SHF: variants seen among roughly 807,000 people sequenced by gnomAD.
The protein encoded by SHF is SH2 domain-containing adapter protein F.
SHF carries 30 observed loss-of-function variants against 42.4 expected under a neutral mutation model. The ratio of observed to expected loss-of-function variants is 0.71; its 90% CI spans 0.53 to 0.96. The LOEUF is 0.96. Ranked by LOEUF, SHF falls within the 40% of genes least tolerant of loss-of-function variation. The pLI, the probability that SHF is intolerant of heterozygous loss-of-function variation, is 0.00. For synonymous variants in SHF, 264 were observed against 269.9 expected, an observed-to-expected ratio of 0.98 and a Z score of 0.21; for missense variants, 598 against 634.0, an observed-to-expected ratio of 0.94 and a Z score of 0.61.
intron 2 of SHF, among the ~76,000 whole-genome samples, chr15:45,195,362 A>G (rs1323811113): frequency 6.6e-6 from 1 of 152,198 alleles, no homozygotes; most frequent in Admixed American, 6.5e-5. Context: ...CACACTGCCC[A>G]GTTGCTCTCA....
intron 2 of SHF, 127 bp downstream of exon 2, chr15:45,178,038 G>C (rs1231995172): frequency 7.7e-7 from 1 of 1,303,338 alleles, no homozygotes; most frequent in Non-Finnish European, 1.0e-6. Flanking sequence ...TCCTCCCTAA[G>C]GACCTGGAAA....
At chr15:45,186,837 C>G (rs1225634306) in intron 1 of SHF, among the ~76,000 whole-genome samples, 1 of 152,262 alleles carries the variant, frequency 6.6e-6, no homozygotes, top group Non-Finnish European at 1.5e-5. Context: ...GAGCTGTAAG[C>G]TGCCTGTCTT....
Position 45,170,684 on chromosome 15 carries a change from G to C in SHF, c.1280+1199C>G, listed in dbSNP as rs936047385. 62 of 278,832 alleles carry C rather than the reference G, an allele frequency of 2.2e-4. 1 individual carries two copies. Among genetic ancestry groups the C allele is most frequent in the African/African-American group, 1.5e-3 (52 of 35,090 alleles). 17.3% of individuals were successfully genotyped at this position (278,832 alleles called of 1,614,324 possible). On this transcript the variant is annotated intron_variant, in intron 6 of 6. Coordinates refer to ENST00000690270, the MANE Select transcript of SHF (RefSeq NM_001394037.1). ...TTTTTTTCTGAGACAGAGTCTTGCT[G>C]TTGTTGGCCTGGGCTGGAGTGCAAT...
At chr15:45,176,803 G>A (rs1220437985) in intron 2 of SHF, among the ~76,000 whole-genome samples, 2 of 152,134 alleles carry the variant, frequency 1.3e-5, no homozygotes, top group African/African-American at 4.8e-5. Flanking sequence ...TATAATTTCA[G>A]GGCATTCATG....
chr15:45,189,452 G>A (rs187190440), upstream of SHF, among the ~76,000 whole-genome samples: 11 of 131,728 alleles, frequency 8.4e-5, no homozygotes, highest in East Asian at 2.0e-3. Context: ...ACAGTGGCAC[G>A]ATTTCAGCTT....
intron 2 of SHF, among the ~76,000 whole-genome samples, chr15:45,198,077 G>A (rs970839304): frequency 2.0e-5 from 3 of 151,784 alleles, no homozygotes; most frequent in Non-Finnish European, 2.9e-5. Flanking sequence ...CAGAGCCTCC[G>A]TCTCAAAAAC....
At chr15:45,195,263 A>G (rs553464725) in intron 2 of SHF, among the ~76,000 whole-genome samples, 1 of 152,284 alleles carries the variant, frequency 6.6e-6, no homozygotes, top group South Asian at 2.1e-4. Context: ...TATGGAGATA[A>G]TTTTTCCTAG....
chr15:45,187,753 TGCCCCCTCCGCCGCC>T lies in SHF; in HGVS notation c.184_198del (p.Gly62_Gly66del). 1.0e-6 allele frequency: 1 copy of T among 956,050 alleles called. No individual in the cohort carries two copies. Among genetic ancestry groups the T allele is most frequent in the Non-Finnish European group, 1.3e-6 (1 of 744,028 alleles). 59.2% of individuals were successfully genotyped at this position (956,050 alleles called of 1,614,324 possible). On this transcript the variant is annotated inframe_deletion, in exon 1 of 7. Transcript: ENST00000690270. Reference sequence around the variant, plus strand: ...TCGGGCTCGGGGGGCGCCGGCTTGCTGCCCCCTCCGCCGCCGCCCCCCCCGCGGAAGCCCAGGTGC... The same window carrying T: ...TCGGGCTCGGGGGGCGCCGGCTTGCTGCCCCCCCCGCGGAAGCCCAGGTGC...
chr15:45,199,449 G>C (rs1441202705), intron 1 of SHF, among the ~76,000 whole-genome samples: 1 of 152,216 alleles, frequency 6.6e-6, no homozygotes, highest in Non-Finnish European at 1.5e-5. Context: ...GAGAACACCT[G>C]TCTCTCCAAT....
intron 1 of SHF, among the ~76,000 whole-genome samples, chr15:45,182,977 G>A (rs1898205688): frequency 6.6e-6 from 1 of 152,204 alleles, no homozygotes. Flanking sequence ...GTAGATCCTA[G>A]CAACCCTCAT....
intron 2 of SHF, among the ~76,000 whole-genome samples, chr15:45,195,664 A>T (rs1250446189): frequency 6.6e-6 from 1 of 152,206 alleles, no homozygotes; most frequent in Admixed American, 6.5e-5. Context: ...CTCAGGCCAC[A>T]TTCTTGTTTC....
At chr15:45,197,249 TAAAAA>T (rs144408027) in intron 2 of SHF, among the ~76,000 whole-genome samples, 12,170 of 122,630 alleles carry the variant, frequency 0.099, 575 homozygotes, top group Middle Eastern at 0.24. Flanking sequence ...ACCTTGTCTC[TAAAAA>T]AAAAAAAAAA....
At chr15:45,191,505 A>ATGTT (rs1258387059), upstream of SHF, among the ~76,000 whole-genome samples, 1 of 152,182 alleles carries the variant, frequency 6.6e-6, no homozygotes, top group Non-Finnish European at 1.5e-5. Flanking sequence ...AAATTCTTGC[A>ATGTT]TGTTAAGCAG....
In SHF at chr15:45,173,644, G is replaced by A. The variant is rs753154572; in HGVS notation, c.920C>T (p.Pro307Leu). The stretch of plus-strand genomic sequence containing the variant: ...ACCGGAGATGTCCCTGTCCCCATCA[G>A]GCAGGGAGGGGCTGCTGTCCAGCTG... Reference protein sequence around the residue: ...VGQLDSSPSLPDGDRDISGPA... With the variant: ...VGQLDSSPSLLDGDRDISGPA... The change falls in exon 4 of 7, where the codon CCT becomes CTT. Residue 307 changes from proline to leucine, a missense_variant. Physicochemically the swap from Pro to Leu is moderately conservative, Grantham distance 98. Coordinates refer to ENST00000690270, the MANE Select transcript of SHF (RefSeq NM_001394037.1). 1 of 1,551,516 alleles carries A rather than the reference G, an allele frequency of 6.4e-7. No individual in the cohort carries two copies. The highest frequency in any genetic ancestry group is 1.2e-5 in the South Asian group (1 of 84,048).
chr15:45,198,910 G>C, exon 2 of SHF: 1 of 1,613,778 alleles, frequency 6.2e-7, no homozygotes, highest in African/African-American at 1.3e-5. Flanking sequence ...GAGCGCAGTG[G>C]GAGTTTAGGG....
intron 2 of SHF, among the ~76,000 whole-genome samples, chr15:45,193,473 G>C (rs1170512868): frequency 1.3e-5 from 2 of 152,184 alleles, no homozygotes; most frequent in African/African-American, 4.8e-5. Flanking sequence ...CATGTGAGAG[G>C]AGAGGAGAGG....
At chr15:45,174,782 A>G (rs1422994796) in intron 3 of SHF, among the ~76,000 whole-genome samples, 1 of 152,184 alleles carries the variant, frequency 6.6e-6, no homozygotes, top group East Asian at 1.9e-4. Context: ...CTGGTCCGCC[A>G]GGGCCTACCA....
intron 3 of SHF, 95 bp downstream of exon 3, chr15:45,175,124 C>A: frequency 1.5e-6 from 2 of 1,350,392 alleles, no homozygotes; most frequent in Non-Finnish European, 2.0e-6. Flanking sequence ...GATCCTGGGC[C>A]TCTCTGGGTT....
At chr15:45,200,905 GC>G (rs1171751512) in exon 1 of SHF, 1 of 454,430 alleles carries the variant, frequency 2.2e-6, no homozygotes, top group East Asian at 7.0e-5. Context: ...ATCATTGCAG[GC>G]CCGGCCTCAT....
Sources: gnomAD v4.1 joint callset for allele counts (sites outside exome capture counted in the v4.1 genomes callset) on GRCh38, gnomAD v4.1.1 for gene constraint, MANE v1.5 for transcripts, NCBI Gene and HGNC (gene_info 2026-07-23, HGNC 2026-07-21) for gene names.